Variants in PPM1L observed in about 807,000 individuals in gnomAD.
PPM1L encodes protein phosphatase, Mg2+/Mn2+ dependent 1L.
PPM1L carries 13 observed loss-of-function variants against 31.4 expected under a neutral mutation model. That is an observed-to-expected ratio of 0.41 (90% CI 0.27 to 0.66). The LOEUF is 0.66. PPM1L is among the 30% of genes least tolerant of loss of function. PPM1L has a pLI of 0.29. For synonymous variants in PPM1L, 184 were observed against 175.4 expected, an observed-to-expected ratio of 1.05 and a Z score of -0.39; for missense variants, 326 against 453.7, an observed-to-expected ratio of 0.72 and a Z score of 2.56.
intron 2 of PPM1L, among the ~76,000 whole-genome samples, chr3:161,013,325 T>C (rs1193765638): frequency 6.6e-6 from 1 of 152,222 alleles, no homozygotes; most frequent in Non-Finnish European, 1.5e-5. Context: ...CCCATGTAGT[T>C]GAATGGTTTT....
chr3:160,806,357 G>GC (rs1460717117), intron 1 of PPM1L, among the ~76,000 whole-genome samples: 1 of 151,986 alleles, frequency 6.6e-6, no homozygotes, highest in East Asian at 1.9e-4. Flanking sequence ...GTGTAAAGAT[G>GC]CCCCCCTGCA....
intron 1 of PPM1L, among the ~76,000 whole-genome samples, chr3:160,841,281 G>A (rs934095575): frequency 3.3e-5 from 5 of 151,302 alleles, no homozygotes; most frequent in Non-Finnish European, 7.4e-5. Flanking sequence ...ACCCGGCTGT[G>A]TTCTCACAGA....
At chr3:160,881,732 A>T (rs1481361361) in intron 1 of PPM1L, among the ~76,000 whole-genome samples, 1 of 151,862 alleles carries the variant, frequency 6.6e-6, no homozygotes, top group Non-Finnish European at 1.5e-5. Context: ...ATCTCCCAAG[A>T]TGCTCCTCAG....
chr3:160,811,067 G>T (rs1424466576), intron 1 of PPM1L, among the ~76,000 whole-genome samples: 2 of 152,200 alleles, frequency 1.3e-5, no homozygotes, highest in Admixed American at 1.3e-4. Context: ...TTACACTGAA[G>T]AAAGCATTTG....
chr3:160,912,884 T>C (rs1168532215), intron 1 of PPM1L, among the ~76,000 whole-genome samples: 1 of 152,100 alleles, frequency 6.6e-6, no homozygotes, highest in Non-Finnish European at 1.5e-5. Flanking sequence ...GGGGGAGACT[T>C]TGGAAACAGA....
At chr3:160,768,594 G>T (rs1715169723) in intron 1 of PPM1L, among the ~76,000 whole-genome samples, 1 of 152,068 alleles carries the variant, frequency 6.6e-6, no homozygotes, top group South Asian at 2.1e-4. Context: ...AATCAGTAGT[G>T]GCTCCTGTTT....
intron 1 of PPM1L, among the ~76,000 whole-genome samples, chr3:160,851,189 T>G (rs1214615523): frequency 6.6e-6 from 1 of 152,218 alleles, no homozygotes; most frequent in Non-Finnish European, 1.5e-5. Context: ...GATCTCATTG[T>G]TTAGAAAACC....
intron 2 of PPM1L, among the ~76,000 whole-genome samples, chr3:161,022,662 T>C (rs1285402997): frequency 3.3e-5 from 2 of 61,240 alleles, no homozygotes; most frequent in African/African-American, 6.8e-5. Flanking sequence ...TCCTTCTTTT[T>C]TTTTTTTTTT....
intron 1 of PPM1L, among the ~76,000 whole-genome samples, chr3:160,865,239 GA>G (rs1168057085): frequency 4.6e-5 from 7 of 151,990 alleles, no homozygotes; most frequent in Non-Finnish European, 8.8e-5. Context: ...ACATGATCCA[GA>G]TTTATGAAAT....
chr3:160,847,565 A>G (rs902303074), intron 1 of PPM1L, among the ~76,000 whole-genome samples: 13 of 152,162 alleles, frequency 8.5e-5, no homozygotes, highest in African/African-American at 3.1e-4. Context: ...TTCCTAGTAC[A>G]TATTTTCTCT....
At chr3:160,968,322 A>C (rs892620818) in intron 2 of PPM1L, among the ~76,000 whole-genome samples, 1 of 152,208 alleles carries the variant, frequency 6.6e-6, no homozygotes, top group African/African-American at 2.4e-5. Context: ...TTGAAGTACA[A>C]GTTTTCGTAC....
At chr3:160,865,379 G>A (rs773096423) in intron 1 of PPM1L, among the ~76,000 whole-genome samples, 20 of 152,150 alleles carry the variant, frequency 1.3e-4, no homozygotes, top group Non-Finnish European at 2.1e-4. Context: ...TGACCTTAAG[G>A]TCTACTCTAT....
chr3:160,907,359 AG>A (rs1713798460), intron 1 of PPM1L, among the ~76,000 whole-genome samples: 1 of 152,242 alleles, frequency 6.6e-6, no homozygotes, highest in African/African-American at 2.4e-5. Flanking sequence ...TGTTCATTGA[AG>A]CTACCTAGCT....
chr3:161,056,588 ATATAAG>A (rs766716174), intron 2 of PPM1L, among the ~76,000 whole-genome samples: 24 of 152,188 alleles, frequency 1.6e-4, no homozygotes, highest in Non-Finnish European at 2.9e-4. Context: ...TTTGTTAAAA[ATATAAG>A]TATGTGTGTG....
At chr3:161,003,910 C>G (rs1717598900) in intron 2 of PPM1L, among the ~76,000 whole-genome samples, 1 of 150,534 alleles carries the variant, frequency 6.6e-6, no homozygotes, top group Non-Finnish European at 1.5e-5. Context: ...GCATCCCTGT[C>G]TTGTGCCCGT....
intron 1 of PPM1L, among the ~76,000 whole-genome samples, chr3:160,814,720 T>C (rs1232151248): frequency 6.7e-6 from 1 of 149,502 alleles, no homozygotes; most frequent in African/African-American, 2.5e-5. Flanking sequence ...TATGTGTATG[T>C]ATACGTGTAT....
At chr3:161,028,264 G>T (rs769903287) in intron 2 of PPM1L, among the ~76,000 whole-genome samples, 15 of 152,284 alleles carry the variant, frequency 9.9e-5, no homozygotes, top group Middle Eastern at 6.8e-3. Flanking sequence ...GAAACGGCAC[G>T]TGTAAATTCT....
At chr3:160,801,334 C>G (rs1427331611) in intron 1 of PPM1L, among the ~76,000 whole-genome samples, 1 of 152,058 alleles carries the variant, frequency 6.6e-6, no homozygotes, top group Admixed American at 6.6e-5. Flanking sequence ...AAAACCTTTG[C>G]TTTGAAGGAC....
At chr3:160,985,981 C>CAAA (rs1553752453) in intron 2 of PPM1L, among the ~76,000 whole-genome samples, 1,894 of 149,012 alleles carry the variant, frequency 0.013, 45 homozygotes, top group African/African-American at 0.044. Flanking sequence ...TCCACCCACC[C>CAAA]AAAAAAAAAA....
Sources: allele counts gnomAD v4.1 joint callset (sites outside exome capture counted in the v4.1 genomes callset), GRCh38; gene constraint gnomAD v4.1.1; transcripts MANE v1.5; gene names NCBI Gene and HGNC (gene_info 2026-07-23, HGNC 2026-07-21).